Variants in DAB1 observed in about 807,000 individuals in gnomAD.
DAB1 encodes the protein disabled homolog 1.
DAB1 carries 15 observed loss-of-function variants against 64.6 expected under a neutral mutation model. That is an observed-to-expected ratio of 0.23 (90% CI 0.16 to 0.36). DAB1 has a LOEUF of 0.36. DAB1 is among the 10% of genes least tolerant of loss of function. The pLI, the probability that DAB1 is intolerant of heterozygous loss-of-function variation, is 1.00. For missense variants in DAB1, 596 were observed against 706.7 expected (o/e 0.84, Z 1.78); for synonymous variants, 235 against 251.9 (o/e 0.93, Z 0.64).
chr1:57,101,724 C>CT (rs2100693389), intron 4 of DAB1, among the ~76,000 whole-genome samples: 1 of 152,330 alleles, frequency 6.6e-6, no homozygotes, highest in East Asian at 1.9e-4. Context: ...CTGCTAGGCA[C>CT]TGGGGGTACA....
chr1:57,211,779 G>A (rs938979165), intron 2 of DAB1, among the ~76,000 whole-genome samples: 2 of 152,050 alleles, frequency 1.3e-5, no homozygotes, highest in African/African-American at 4.8e-5. Flanking sequence ...TAACAATAAT[G>A]CAAATAAAAA....
chr1:57,982,354 A>T (rs924072554), intron 5 of DAB1, among the ~76,000 whole-genome samples: 1 of 152,204 alleles, frequency 6.6e-6, no homozygotes, highest in East Asian at 1.9e-4. Flanking sequence ...CAATGGCTGC[A>T]CTTGTCTAGC....
chr1:57,954,044 C>T (rs918187907), intron 5 of DAB1, among the ~76,000 whole-genome samples: 5 of 152,066 alleles, frequency 3.3e-5, no homozygotes, highest in Non-Finnish European at 5.9e-5. Context: ...CTGAGTGTAC[C>T]ATCTGTTCCT....
intron 7 of DAB1, among the ~76,000 whole-genome samples, chr1:57,559,466 C>G (rs1645026671): frequency 6.6e-6 from 1 of 152,194 alleles, no homozygotes; most frequent in African/African-American, 2.4e-5. Flanking sequence ...GGCCTTTTAA[C>G]CAGGGTAACT....
chr1:57,537,958 CT>C (rs888116183), intron 7 of DAB1, among the ~76,000 whole-genome samples: 1 of 152,000 alleles, frequency 6.6e-6, no homozygotes, highest in Non-Finnish European at 1.5e-5. Context: ...GCATGCAAGG[CT>C]TTTTTTAACA....
At chr1:58,136,111 C>T (rs1318705022) in intron 5 of DAB1, among the ~76,000 whole-genome samples, 4 of 152,170 alleles carry the variant, frequency 2.6e-5, no homozygotes, top group African/African-American at 9.7e-5. Context: ...TGCAGTAAAA[C>T]ATAGCAGTGC....
At chr1:57,602,101 T>C (rs1645582326) in intron 7 of DAB1, among the ~76,000 whole-genome samples, 1 of 152,188 alleles carries the variant, frequency 6.6e-6, no homozygotes, top group East Asian at 1.9e-4. Flanking sequence ...CATAAAAAAA[T>C]AGGGTAAATA....
intron 7 of DAB1, among the ~76,000 whole-genome samples, chr1:57,439,827 A>G (rs1685872898): frequency 6.6e-6 from 1 of 152,142 alleles, no homozygotes; most frequent in African/African-American, 2.4e-5. Context: ...AACAATGACA[A>G]TGATGATAGA....
intron 5 of DAB1, among the ~76,000 whole-genome samples, chr1:57,932,750 A>G (rs1478491379): frequency 1.3e-5 from 2 of 152,096 alleles, no homozygotes; most frequent in African/African-American, 4.8e-5. Flanking sequence ...AAATTAACAC[A>G]TTGATTTCCA....
At chr1:58,239,610 T>C (rs1570527100) in intron 4 of DAB1, among the ~76,000 whole-genome samples, 1 of 152,162 alleles carries the variant, frequency 6.6e-6, no homozygotes, top group East Asian at 1.9e-4. Flanking sequence ...AGATGCAATC[T>C]GTTGATTACC....
intron 6 of DAB1, among the ~76,000 whole-genome samples, chr1:57,690,973 C>G (rs1195871703): frequency 6.6e-5 from 10 of 151,966 alleles, no homozygotes; most frequent in Non-Finnish European, 1.5e-4. Flanking sequence ...AGTCTTTTGC[C>G]CATTTTAAAA....
At chr1:57,361,518 C>T (rs945746801) in intron 1 of DAB1, among the ~76,000 whole-genome samples, 2 of 152,106 alleles carry the variant, frequency 1.3e-5, no homozygotes, top group African/African-American at 2.4e-5. Context: ...TTTGCCATGT[C>T]ACTGCCAATA....
intron 4 of DAB1, among the ~76,000 whole-genome samples, chr1:58,197,596 A>G (rs1570473064): frequency 6.6e-6 from 1 of 151,558 alleles, no homozygotes; most frequent in East Asian, 1.9e-4. Context: ...AGGTTTCACC[A>G]TGTTGGCCAG....
chr1:58,231,914 T>A (rs564427188), intron 4 of DAB1, among the ~76,000 whole-genome samples: 18 of 152,316 alleles, frequency 1.2e-4, no homozygotes, highest in Admixed American at 1.2e-3. Flanking sequence ...ATGGGAAAAT[T>A]CAGATTCACA....
At position 58,162,036 on chromosome 1, in the gene DAB1, G is replaced by A. The variant is rs887135947; in HGVS notation, n.310-11448C>T. Among the ~76,000 whole-genome samples the A allele has an allele frequency of 2.6e-5, 4 of 152,310 alleles. No homozygotes were observed. The East Asian group carries it at 7.7e-4, about 29-fold the overall frequency. ...AAGGGAGGAGGTAACAATAGGTACAGAGGGGCTGAGACAGGTTATTTAGGG... is the reference window on the plus strand; with the variant it reads ...AAGGGAGGAGGTAACAATAGGTACAAAGGGGCTGAGACAGGTTATTTAGGG... On this transcript the variant is annotated intron_variant and non_coding_transcript_variant, in intron 4 of 20. Transcript: ENST00000485760.
chr1:57,718,743 T>G (rs1360393929), intron 6 of DAB1, among the ~76,000 whole-genome samples: 1 of 152,234 alleles, frequency 6.6e-6, no homozygotes, highest in African/African-American at 2.4e-5. Context: ...TATCCCCAGT[T>G]GTAATTCTAT....
intron 3 of DAB1, among the ~76,000 whole-genome samples, chr1:58,396,931 G>A (rs1569726363): frequency 6.6e-6 from 1 of 152,124 alleles, no homozygotes; most frequent in Non-Finnish European, 1.5e-5. Context: ...CGGGCGTAGT[G>A]GTGGGCTCCT....
chr1:58,192,337 A>T (rs1234504147), intron 4 of DAB1, among the ~76,000 whole-genome samples: 3 of 152,138 alleles, frequency 2.0e-5, no homozygotes, highest in Non-Finnish European at 4.4e-5. Context: ...CCTAGTGGTG[A>T]AGTCTGGGCT....
At chr1:58,508,979 T>C (rs1027965464) in intron 2 of DAB1, among the ~76,000 whole-genome samples, 4 of 152,100 alleles carry the variant, frequency 2.6e-5, no homozygotes, top group African/African-American at 9.7e-5. Context: ...GACAGGACCC[T>C]AGACACCTAG....
Sources: gnomAD v4.1 joint callset for allele counts (sites outside exome capture counted in the v4.1 genomes callset) on GRCh38, gnomAD v4.1.1 for gene constraint, MANE v1.5 for transcripts, NCBI Gene and HGNC (gene_info 2026-07-23, HGNC 2026-07-21) for gene names.